The following SDCCAG8 variants were observed in gnomAD, a reference collection of about 807,000 sequenced individuals.
The protein encoded by SDCCAG8 is SHH signaling and ciliogenesis regulator SDCCAG8.
A neutral mutation model predicts 101.8 loss-of-function variants in SDCCAG8; 74 were observed. That is an observed-to-expected ratio of 0.73 (90% CI 0.60 to 0.88). The LOEUF (loss-of-function observed/expected upper bound fraction) is 0.88. Ranked by LOEUF, SDCCAG8 falls within the 40% of genes least tolerant of loss-of-function variation. The pLI, the probability that SDCCAG8 is intolerant of heterozygous loss-of-function variation, is 0.00. For synonymous variants in SDCCAG8, 281 were observed against 292.9 expected, an observed-to-expected ratio of 0.96 and a Z score of 0.41; for missense variants, 787 against 822.6, an observed-to-expected ratio of 0.96 and a Z score of 0.53.
chr1:243,392,885 G>A (rs1262115534), intron 13 of SDCCAG8, among the ~76,000 whole-genome samples: 2 of 152,138 alleles, frequency 1.3e-5, no homozygotes, highest in Non-Finnish European at 2.9e-5. Flanking sequence ...AACTGTTAAC[G>A]GAGAATTAAC....
At chr1:243,402,344 C>T (rs755289544) in intron 13 of SDCCAG8, among the ~76,000 whole-genome samples, 7 of 150,180 alleles carry the variant, frequency 4.7e-5, no homozygotes, top group African/African-American at 9.8e-5. Context: ...ACAGGATAAT[C>T]GCTTGAACCC....
chr1:243,365,155 A>G (rs2076929477), intron 12 of SDCCAG8, among the ~76,000 whole-genome samples: 1 of 152,290 alleles, frequency 6.6e-6, no homozygotes, highest in East Asian at 1.9e-4. Context: ...GAGTGGGCTT[A>G]GCGAGTGGTT....
rs898435473 is a variant in SDCCAG8 at position 243,416,202 on chromosome 1, C to T, written c.1744+373C>T. Among the ~76,000 whole-genome samples the T allele has an allele frequency of 7.2e-5, 11 of 152,114 alleles. No individual in the cohort carries two copies. The highest frequency in any genetic ancestry group is 5.8e-4 in the East Asian group (3 of 5,184). ...AAAGAAAATAGCATCAGAAGCTCTG[C>T]GGGAAATGCTCTGAGCTTACAGTTA... is the stretch of plus-strand genomic sequence containing the variant. On this transcript the variant is annotated intron_variant, in intron 14 of 17. Coordinates refer to ENST00000366541, the MANE Select transcript of SDCCAG8 (RefSeq NM_006642.5). The surrounding 1 kb of genome is among the most constrained non-coding windows in gnomAD (Gnocchi z 4.3).
chr1:243,270,357 G>GT (rs2067987325), intron 2 of SDCCAG8, 100 bp downstream of exon 2: 2 of 1,101,330 alleles, frequency 1.8e-6, no homozygotes, highest in Admixed American at 3.9e-5. Context: ...CTGCTATGAT[G>GT]TTATTCCTCA....
intron 14 of SDCCAG8, 125 bp downstream of exon 14, chr1:243,415,954 A>G (rs992553021): frequency 1.6e-5 from 17 of 1,090,778 alleles, no homozygotes; most frequent in Non-Finnish European, 2.0e-5. Flanking sequence ...TGCTAACTAC[A>G]CCGGAGATTC....
At chr1:243,445,691 T>A (rs919345282) in intron 16 of SDCCAG8, among the ~76,000 whole-genome samples, 4 of 152,166 alleles carry the variant, frequency 2.6e-5, no homozygotes, top group African/African-American at 9.7e-5. Flanking sequence ...AATTTTGATT[T>A]CTCCAAACTA....
intron 16 of SDCCAG8, among the ~76,000 whole-genome samples, chr1:243,475,548 C>A (rs977542989): frequency 1.3e-5 from 2 of 152,112 alleles, no homozygotes; most frequent in African/African-American, 4.8e-5. Context: ...GAGACAAACC[C>A]CTCGTCCGCT....
At chr1:243,478,350 C>T (rs1243295385) in intron 16 of SDCCAG8, among the ~76,000 whole-genome samples, 1 of 152,214 alleles carries the variant, frequency 6.6e-6, no homozygotes, top group East Asian at 1.9e-4. Flanking sequence ...TTCTTGGCTT[C>T]ACCATAATGG....
chr1:243,425,750 A>G (rs954162982), intron 15 of SDCCAG8, among the ~76,000 whole-genome samples: 5 of 152,216 alleles, frequency 3.3e-5, no homozygotes, highest in Non-Finnish European at 7.3e-5. Context: ...TTGGATTGTC[A>G]TCTAAGACAC....
chr1:243,477,618 T>C (rs1662692457), intron 16 of SDCCAG8, among the ~76,000 whole-genome samples: 1 of 152,232 alleles, frequency 6.6e-6, no homozygotes, highest in Admixed American at 6.5e-5. Context: ...TCCTTTTTGG[T>C]AGAAGCACTG....
chr1:243,475,229 C>A (rs76738194), intron 16 of SDCCAG8, among the ~76,000 whole-genome samples: 1 of 152,222 alleles, frequency 6.6e-6, no homozygotes, highest in East Asian at 1.9e-4. Flanking sequence ...CTTCTCCCAA[C>A]ACAACCAAGA....
At chr1:243,486,448 T>C (rs542391680) in intron 16 of SDCCAG8, among the ~76,000 whole-genome samples, 1 of 151,956 alleles carries the variant, frequency 6.6e-6, no homozygotes, top group East Asian at 1.9e-4. Flanking sequence ...TTCAGCGGGG[T>C]CTGGGTGGTG....
intron 12 of SDCCAG8, among the ~76,000 whole-genome samples, chr1:243,367,084 A>G (rs1178850267): frequency 6.6e-6 from 1 of 152,136 alleles, no homozygotes; most frequent in Non-Finnish European, 1.5e-5. Flanking sequence ...GGCAAAAAAA[A>G]CTATTGTCAA....
intron 12 of SDCCAG8, among the ~76,000 whole-genome samples, chr1:243,363,356 A>G (rs2076825831): frequency 6.6e-6 from 1 of 152,214 alleles, no homozygotes; most frequent in South Asian, 2.1e-4. Context: ...GAACCATGTG[A>G]CAGAAGCTTG....
intron 13 of SDCCAG8, among the ~76,000 whole-genome samples, chr1:243,386,529 G>T (rs188957239): frequency 3.3e-5 from 5 of 152,062 alleles, no homozygotes; most frequent in Non-Finnish European, 5.9e-5. Context: ...CGAGACAGGC[G>T]GATCACGAGG....
chr1:243,406,677 G>A (rs1343670974), intron 13 of SDCCAG8, among the ~76,000 whole-genome samples: 1 of 151,978 alleles, frequency 6.6e-6, no homozygotes, highest in Non-Finnish European at 1.5e-5. Flanking sequence ...TTCATGTTCT[G>A]GCTCCTGCCT....
At position 243,316,747 on chromosome 1, in the gene SDCCAG8, G is replaced by A. The variant is rs371778586; in HGVS notation, c.930-8G>A. The A allele has an allele frequency of 1.9e-6, 3 of 1,613,916 alleles. No individual in the cohort carries two copies. The African/African-American group carries it at 4.0e-5, about 22-fold the overall frequency. ...TTCTTGTTTTGAATGTTCTTTTTGTGCTGACAGAGAAAGAGATGACTTGAT... is the reference window on the plus strand; with the variant it reads ...TTCTTGTTTTGAATGTTCTTTTTGTACTGACAGAGAAAGAGATGACTTGAT... On this transcript the variant is annotated splice_region_variant and splice_polypyrimidine_tract_variant and intron_variant, in intron 8 of 17. Coordinates refer to ENST00000366541, the MANE Select transcript of SDCCAG8 (RefSeq NM_006642.5).
At chr1:243,410,817 T>G (rs774831545) in intron 13 of SDCCAG8, among the ~76,000 whole-genome samples, 1 of 152,234 alleles carries the variant, frequency 6.6e-6, no homozygotes, top group Non-Finnish European at 1.5e-5. Context: ...ATAAGCTTAA[T>G]GCTTCAGTGC....
intron 1 of SDCCAG8, among the ~76,000 whole-genome samples, chr1:243,263,700 C>T (rs985993639): frequency 3.0e-5 from 4 of 134,050 alleles, no homozygotes; most frequent in Admixed American, 2.7e-4. Flanking sequence ...TCTTTTACTC[C>T]TGGCGCCAAC....
Sources: allele counts gnomAD v4.1 joint callset (sites outside exome capture counted in the v4.1 genomes callset), GRCh38; gene constraint gnomAD v4.1.1; non-coding constraint Gnocchi (gnomAD v3.1); transcripts MANE v1.5; gene names NCBI Gene and HGNC (gene_info 2026-07-23, HGNC 2026-07-21).